ZNF585A: variants seen among roughly 807,000 people sequenced by gnomAD.
The protein encoded by ZNF585A is zinc finger protein 585A.
Under a neutral mutation model 14.9 loss-of-function variants are expected in ZNF585A, and 9 were observed. The observed-to-expected ratio is 0.60, with a 90% CI of 0.36 to 1.05. ZNF585A has a LOEUF of 1.05. Among genes scored for constraint, ZNF585A ranks in the 50% least tolerant of loss-of-function variants. The probability of loss-of-function intolerance (pLI) is 0.01; values close to 1 mark genes in which losing one functional copy is unlikely to be tolerated. For missense variants in ZNF585A, 726 were observed against 926.4 expected (o/e 0.78, Z 2.81); for synonymous variants, 276 against 319.9 (o/e 0.86, Z 1.46).
In ZNF585A at chr19:37,151,714, C is replaced by G. The variant is rs745398805; in HGVS notation, c.2185G>C (p.Asp729His). ...VCAECGKAFT[D>H]RSNLNKHQTT... ...TGATGTTTATTCAAATTGGACCTGT[C>G]AGTAAAGGCCTTCCCACACTCAGCA... is the stretch of plus-strand genomic sequence containing the variant. Residue 729 changes from aspartate to histidine, a missense_variant, in exon 5 of 5, where the codon GAC (aspartate) becomes CAC (histidine). Transcript: ENST00000292841. The G allele has an allele frequency of 4.3e-6, 7 of 1,613,716 alleles. No homozygotes were observed. Among genetic ancestry groups the G allele is most frequent in the East Asian group, 2.2e-5 (1 of 44,880 alleles).
intron 2 of ZNF585A, 84 bp from the exon 3 acceptor site, chr19:37,156,439 T>C: frequency 6.8e-7 from 1 of 1,477,612 alleles, no homozygotes. Context: ...AATACAGGTC[T>C]TGTTGTTTTA....
chr19:37,161,459 T>C (rs1037186312), intron 2 of ZNF585A, among the ~76,000 whole-genome samples: 5 of 152,328 alleles, frequency 3.3e-5, no homozygotes, highest in Non-Finnish European at 7.3e-5. Flanking sequence ...AGAGACTCAT[T>C]GCACAATTGA....
Position 37,151,007 on chromosome 19 carries a change from G to C in ZNF585A, c.*582C>G, listed in dbSNP as rs539810937. 2.2e-5 allele frequency: 4 copies of C among 181,458 alleles called. No homozygotes were observed. In the South Asian group the frequency reaches 7.8e-4, roughly 35 times the overall value. 11.2% of individuals were successfully genotyped at this position (181,458 alleles called of 1,614,324 possible). On this transcript the variant is annotated 3_prime_UTR_variant, in exon 5 of 5. Coordinates refer to ENST00000292841, the MANE Select transcript of ZNF585A (RefSeq NM_001288800.2). ...AACATACATTCTGAGGTTTACGTCT[G>C]TATACATAAAGGTTTTTTCTTTTTT...
intron 1 of ZNF585A, among the ~76,000 whole-genome samples, chr19:37,172,070 T>C (rs996806641): frequency 6.6e-6 from 1 of 152,206 alleles, no homozygotes; most frequent in Non-Finnish European, 1.5e-5. Flanking sequence ...TTTGAATATA[T>C]GCTTAATTAA....
In ZNF585A at chr19:37,150,593, G is replaced by A. The variant is rs780333465; in HGVS notation, c.*996C>T. The stretch of plus-strand genomic sequence containing the variant: ...AATTGATGAAGTGTGACACACATAA[G>A]AGTAAGGTAAAACAGGAAAAATGGC... On this transcript the variant is annotated 3_prime_UTR_variant, in exon 5 of 5. Transcript: ENST00000292841. 1 of 152,178 alleles carries A rather than the reference G, an allele frequency of 6.6e-6. No individual in the cohort carries two copies. The highest frequency in any genetic ancestry group is 1.9e-4 in the East Asian group (1 of 5,190). 9.4% of individuals were successfully genotyped at this position (152,178 alleles called of 1,614,324 possible). A position where few individuals can be genotyped will look rare whatever the true frequency, so the allele number is the denominator to read the frequency against.
chr19:37,151,375 A>G lies in ZNF585A; in HGVS notation c.*214T>C, dbSNP rs1599745368. ...TTGACTCGGTTCCTTGTCAGTATGA[A>G]TAATGACCCAAGGTTTACTGGGGAT... On this transcript the variant is annotated 3_prime_UTR_variant, in exon 5 of 5. Transcript: ENST00000292841. 1 of 503,682 alleles carries G rather than the reference A, an allele frequency of 2.0e-6. No individual in the cohort carries two copies. Among genetic ancestry groups the G allele is most frequent in the Non-Finnish European group, 3.5e-6 (1 of 285,836 alleles). 31.2% of individuals were successfully genotyped at this position (503,682 alleles called of 1,614,324 possible).
At chr19:37,168,493 A>G (rs749640872) in intron 2 of ZNF585A, among the ~76,000 whole-genome samples, 1 of 152,224 alleles carries the variant, frequency 6.6e-6, no homozygotes, top group Non-Finnish European at 1.5e-5. Context: ...AAAAATCACA[A>G]TCTTCTTCAA....
intron 2 of ZNF585A, among the ~76,000 whole-genome samples, chr19:37,164,145 G>A (rs1188223072): frequency 1.3e-5 from 2 of 152,186 alleles, no homozygotes; most frequent in Admixed American, 6.5e-5. Flanking sequence ...AAGGCCGGGC[G>A]TGGTGGCTCA....
intron 2 of ZNF585A, among the ~76,000 whole-genome samples, chr19:37,167,190 T>C (rs1282080529): frequency 6.6e-6 from 1 of 152,154 alleles, no homozygotes; most frequent in African/African-American, 2.4e-5. Context: ...TTGTTTTGTT[T>C]TTGACATGGA....
In ZNF585A at chr19:37,148,138, C is replaced by CA. The variant is rs1441598366; in HGVS notation, c.*3450dup. Reference sequence around the variant, plus strand: ...ACAGACCGTTTTACAATCCTACAAGCAATGCATGAAAATTTCCATTGGTCT... The same window carrying CA: ...ACAGACCGTTTTACAATCCTACAAGCAAATGCATGAAAATTTCCATTGGTCT... On this transcript the variant is annotated 3_prime_UTR_variant, in exon 5 of 5. Coordinates refer to ENST00000292841, the MANE Select transcript of ZNF585A (RefSeq NM_001288800.2). The CA allele has an allele frequency of 6.6e-6, 1 of 152,148 alleles. No homozygotes were observed. Among genetic ancestry groups the CA allele is most frequent in the African/African-American group, 2.4e-5 (1 of 41,432 alleles). 9.4% of individuals were successfully genotyped at this position (152,148 alleles called of 1,614,324 possible). A position where few individuals can be genotyped will look rare whatever the true frequency, so the allele number is the denominator to read the frequency against.
At chr19:37,168,762 A>G (rs1972135551) in intron 2 of ZNF585A, among the ~76,000 whole-genome samples, 1 of 152,234 alleles carries the variant, frequency 6.6e-6, no homozygotes, top group Admixed American at 6.5e-5. Context: ...ACATGAGAAG[A>G]ATGCCTACTG....
At position 37,152,286 on chromosome 19, in the gene ZNF585A, T is replaced by C. The variant is rs1273650459; in HGVS notation, c.1613A>G (p.Asn538Ser). ...TCCAGTGTGAATTTTCTGATGTATA[T>C]TGAGGTGTGACTTCTGAGTGAAGGC... The part of the protein sequence containing the change: ...GKAFTQKSHL[N>S]IHQKIHTGER... Residue 538 changes from asparagine (N) to serine (S), a missense_variant, in exon 5 of 5, where the codon AAT (asparagine) becomes AGT (serine). By Grantham distance (46) the Asn-to-Ser change is conservative. Around this residue, in one of 2 missense-constraint regions of ZNF585A, gnomAD observed 243 missense variants for 383.6 expected, o/e 0.63. Coordinates refer to ENST00000292841, the MANE Select transcript of ZNF585A (RefSeq NM_001288800.2). 1.9e-6 allele frequency: 3 copies of C among 1,613,978 alleles called. No individual in the cohort carries two copies. The highest frequency in any genetic ancestry group is 1.3e-5 in the African/African-American group (1 of 74,880).
intron 2 of ZNF585A, among the ~76,000 whole-genome samples, chr19:37,164,896 C>G (rs1393296990): frequency 6.6e-6 from 1 of 152,168 alleles, no homozygotes; most frequent in Non-Finnish European, 1.5e-5. Flanking sequence ...TGGTCTCAAA[C>G]TCATGGGCTC....
intron 1 of ZNF585A, among the ~76,000 whole-genome samples, chr19:37,170,288 A>T (rs1385745319): frequency 2.0e-5 from 3 of 152,220 alleles, no homozygotes; most frequent in Non-Finnish European, 4.4e-5. Context: ...TTCGTTTCTA[A>T]CTGGTGCCCA....
rs924328524 is a variant in ZNF585A at position 37,145,794 on chromosome 19, T to C, written c.*5795A>G. 4.6e-5 allele frequency: 7 copies of C among 152,208 alleles called. No individual in the cohort carries two copies. The highest frequency in any genetic ancestry group is 1.0e-4 in the Non-Finnish European group (7 of 68,032). The allele number at this position is 152,208 out of a possible 1,614,324, so 9.4% of individuals were successfully genotyped here. A position where few individuals can be genotyped will look rare whatever the true frequency, so the allele number is the denominator to read the frequency against. The stretch of plus-strand genomic sequence containing the variant: ...GGGTGGGACTACTGTGTTTATATAA[T>C]ACAAACACCTGAAGGTGGCAGAAAC... On this transcript the variant is annotated 3_prime_UTR_variant, in exon 5 of 5. Coordinates refer to ENST00000292841, the MANE Select transcript of ZNF585A (RefSeq NM_001288800.2).
At chr19:37,162,924 A>G (rs1269019864) in intron 2 of ZNF585A, among the ~76,000 whole-genome samples, 1 of 152,148 alleles carries the variant, frequency 6.6e-6, no homozygotes, top group Admixed American at 6.6e-5. Context: ...ATAAACCCCC[A>G]TGACACAAGT....
chr19:37,167,688 C>T (rs796669435), intron 2 of ZNF585A, among the ~76,000 whole-genome samples: 28 of 151,920 alleles, frequency 1.8e-4, no homozygotes, highest in African/African-American at 6.8e-4. Flanking sequence ...ATGGCACGAT[C>T]TCGGCTCACT....
At position 37,155,972 on chromosome 19, in the gene ZNF585A, T is replaced by C; in HGVS notation, c.200-15A>G. ...AACTTGATATCCTGTTCATGGGAAATGATAAAGGTCTGGGTCCAGCTAATT... is the reference window on the plus strand; with the variant it reads ...AACTTGATATCCTGTTCATGGGAAACGATAAAGGTCTGGGTCCAGCTAATT... On this transcript the variant is annotated splice_polypyrimidine_tract_variant and intron_variant, in intron 3 of 4. Coordinates refer to ENST00000292841, the MANE Select transcript of ZNF585A (RefSeq NM_001288800.2). The C allele has an allele frequency of 6.2e-7, 1 of 1,613,874 alleles. No individual in the cohort carries two copies. The highest frequency in any genetic ancestry group is 8.5e-7 in the Non-Finnish European group (1 of 1,180,002).
At position 37,152,563 on chromosome 19, in the gene ZNF585A, A is replaced by G. The variant is rs761125059; in HGVS notation, c.1336T>C (p.Leu446=). The G allele has an allele frequency of 1.9e-6, 3 of 1,613,888 alleles. No homozygotes were observed. The highest frequency in any genetic ancestry group is 3.3e-5 in the Admixed American group (2 of 59,992). The stretch of plus-strand genomic sequence containing the variant: ...TGGAGTTGCGACTTGGAGGTAAACA[A>G]TTTCCCACAGTGACCACATTTATGA... ...KPHKCGHCGK[L]FTSKSQLHVH... The change falls in exon 5 of 5, where the codon TTG becomes CTG. Residue 446 remains leucine, a synonymous_variant. Coordinates refer to ENST00000292841, the MANE Select transcript of ZNF585A (RefSeq NM_001288800.2).
Sources: gnomAD v4.1 joint callset for allele counts (sites outside exome capture counted in the v4.1 genomes callset) on GRCh38, gnomAD v4.1.1 for gene constraint, gnomAD v4.1.1 regional missense constraint, MANE v1.5 for transcripts, NCBI Gene and HGNC (gene_info 2026-07-23, HGNC 2026-07-21) for gene names.